The following FBXL2 variants were observed in gnomAD, a reference collection of about 807,000 sequenced individuals.
The protein encoded by FBXL2 is F-box/LRR-repeat protein 2.
FBXL2 carries 38 observed loss-of-function variants against 69.2 expected under a neutral mutation model. That is an observed-to-expected ratio of 0.55 (90% confidence interval 0.42 to 0.72). FBXL2 has a LOEUF of 0.72. FBXL2 is among the 30% of genes least tolerant of loss of function. The pLI is 0.00. For missense variants in FBXL2, 354 were observed against 520.3 expected, an observed-to-expected ratio of 0.68 and a Z score of 3.11; for synonymous variants, 192 against 201.3, an observed-to-expected ratio of 0.95 and a Z score of 0.39.
downstream of FBXL2, chr3:33,388,960 T>G (rs568132636): frequency 6.6e-6 from 1 of 152,226 alleles, no homozygotes; most frequent in East Asian, 1.9e-4. Flanking sequence ...TCAGGACACC[T>G]GGGTATATGG....
intron 2 of FBXL2, among the ~76,000 whole-genome samples, chr3:33,320,749 GATTA>G (rs1294687633): frequency 2.6e-4 from 40 of 152,020 alleles, no homozygotes; most frequent in Admixed American, 1.2e-3. Context: ...AAAATGCTGG[GATTA>G]CAGGCGTGAG....
chr3:33,357,568 C>T (rs1419363779), intron 2 of FBXL2, among the ~76,000 whole-genome samples: 3 of 123,528 alleles, frequency 2.4e-5, no homozygotes, highest in South Asian at 2.8e-4. Flanking sequence ...GTCTCGCTGT[C>T]GCCCAGGTTG....
rs376589653 is a variant in FBXL2 at position 33,299,350 on chromosome 3, T to G, written c.65+1625T>G. Among the ~76,000 whole-genome samples the G allele has an allele frequency of 2.0e-5, 3 of 152,168 alleles. No individual in the cohort carries two copies. In the East Asian group the frequency reaches 5.8e-4, roughly 29 times the overall value. ...AGCCACTGCGCCCGGCCGGAATCCT[T>G]TTAATATTCCACAGAAAATTTGGGG... On this transcript the variant is annotated intron_variant, in intron 2 of 14. Transcript: ENST00000484457.
intron 2 of FBXL2, among the ~76,000 whole-genome samples, chr3:33,305,890 C>A (rs1046700517): frequency 1.3e-5 from 2 of 151,670 alleles, no homozygotes; most frequent in Non-Finnish European, 1.5e-5. Flanking sequence ...ATGTTACTTT[C>A]TTCCTTAATA....
At chr3:33,407,870 T>C (rs1274843072), downstream of FBXL2, among the ~76,000 whole-genome samples, 2 of 152,254 alleles carry the variant, frequency 1.3e-5, no homozygotes, top group African/African-American at 4.8e-5. Flanking sequence ...TGTGTTTATA[T>C]TTACTGAAGG....
intron 2 of FBXL2, among the ~76,000 whole-genome samples, chr3:33,322,064 ATTTTTTTTTTTTTT>A (rs34703817): frequency 1.6e-4 from 10 of 62,444 alleles, no homozygotes; most frequent in East Asian, 6.0e-4. Flanking sequence ...TGACTAGGTG[ATTTTTTTTTTTTTT>A]TTTTTTTTTT....
chr3:33,293,555 T>C (rs2035455296), intron 1 of FBXL2, among the ~76,000 whole-genome samples: 1 of 152,178 alleles, frequency 6.6e-6, no homozygotes, highest in Non-Finnish European at 1.5e-5. Context: ...ACTGGTTCTG[T>C]AGACTCTACA....
At chr3:33,401,015 T>C (rs1303039367) in intron 12 of FBXL2, 1 of 1,590,614 alleles carries the variant, frequency 6.3e-7, no homozygotes, top group Non-Finnish European at 8.5e-7. Context: ...GAAGAAGAAT[T>C]GCTGGGGAGA....
At chr3:33,357,980 A>C (rs191883868) in intron 2 of FBXL2, among the ~76,000 whole-genome samples, 6 of 152,300 alleles carry the variant, frequency 3.9e-5, no homozygotes, top group African/African-American at 1.4e-4. Context: ...ATTGTAGGGT[A>C]CAACACTTTC....
intron 2 of FBXL2, among the ~76,000 whole-genome samples, chr3:33,323,769 A>C (rs1300032625): frequency 6.6e-6 from 1 of 152,124 alleles, no homozygotes; most frequent in Non-Finnish European, 1.5e-5. Flanking sequence ...CAATAAACAT[A>C]TGTGTGTATG....
chr3:33,297,267 G>A (rs2035831096), intron 1 of FBXL2, among the ~76,000 whole-genome samples: 1 of 152,110 alleles, frequency 6.6e-6, no homozygotes, highest in Non-Finnish European at 1.5e-5. Context: ...GTTGTATCCT[G>A]CAGCCTTGCC....
chr3:33,395,201 A>G (rs2043926999), intron 12 of FBXL2, among the ~76,000 whole-genome samples: 1 of 152,222 alleles, frequency 6.6e-6, no homozygotes, highest in African/African-American at 2.4e-5. Flanking sequence ...AAATAATACC[A>G]AATAGAAAAG....
intron 5 of FBXL2, 171 bp from the exon 6 acceptor site, chr3:33,372,921 C>A: frequency 1.5e-6 from 1 of 653,674 alleles, no homozygotes; most frequent in Non-Finnish European, 2.8e-6. Flanking sequence ...GACTGTCGAG[C>A]CCCATTCTAG....
intron 2 of FBXL2, among the ~76,000 whole-genome samples, chr3:33,300,861 A>G (rs1269361489): frequency 2.0e-5 from 3 of 146,660 alleles, no homozygotes; most frequent in Non-Finnish European, 4.5e-5. Flanking sequence ...GGTGCCCGCC[A>G]CAACGCCCAG....
At position 33,294,855 on chromosome 3, in the gene FBXL2, A is replaced by C. The variant is rs868473717; in HGVS notation, c.4-2809A>C. Reference sequence around the variant, plus strand: ...GAGACCCTGTTTCCAAAAAAAAAAAAAAAAGTCCAGTCAGTAACTTTGCAC... The same window carrying C: ...GAGACCCTGTTTCCAAAAAAAAAAACAAAAGTCCAGTCAGTAACTTTGCAC... On this transcript the variant is annotated intron_variant, in intron 1 of 14. Transcript: ENST00000484457. Among the ~76,000 whole-genome samples the C allele has an allele frequency of 6.6e-5, 10 of 152,040 alleles. No individual in the cohort carries two copies. The South Asian group carries it at 1.5e-3, about 22-fold the overall frequency.
chr3:33,344,791 T>C (rs1250631516), intron 2 of FBXL2, among the ~76,000 whole-genome samples: 14 of 152,208 alleles, frequency 9.2e-5, no homozygotes, highest in East Asian at 3.9e-4. Flanking sequence ...TTTGAAAAGA[T>C]TAATTGATAA....
At chr3:33,380,444 G>T (rs907797302) in intron 13 of FBXL2, among the ~76,000 whole-genome samples, 1 of 151,268 alleles carries the variant, frequency 6.6e-6, no homozygotes, top group Non-Finnish European at 1.5e-5. Flanking sequence ...TATAATCCCA[G>T]CTACTAGGGA....
chr3:33,357,235 GCTAA>G lies in FBXL2; in HGVS notation c.66-1729_66-1726del, dbSNP rs1184852471. Among the ~76,000 whole-genome samples, 4 of 152,194 alleles carry G rather than the reference GCTAA, an allele frequency of 2.6e-5. No individual in the cohort carries two copies. The East Asian group carries it at 5.8e-4, about 22-fold the overall frequency. ...TCTTAAGGTATTTTCAAGGGAAACA[GCTAA>G]CTCTTTTTTTACCTTTGGCTTATGC... On this transcript the variant is annotated intron_variant, in intron 2 of 14. Coordinates refer to ENST00000484457, the MANE Select transcript of FBXL2 (RefSeq NM_012157.5).
chr3:33,327,846 G>A (rs1462019184), intron 2 of FBXL2, among the ~76,000 whole-genome samples: 2 of 151,750 alleles, frequency 1.3e-5, no homozygotes, highest in Admixed American at 6.6e-5. Context: ...CCTGGCCAGT[G>A]CAATAATTAG....
Sources: gnomAD v4.1 joint callset for allele counts (sites outside exome capture counted in the v4.1 genomes callset) on GRCh38, gnomAD v4.1.1 for gene constraint, MANE v1.5 for transcripts, NCBI Gene and HGNC (gene_info 2026-07-23, HGNC 2026-07-21) for gene names.